SLCO4A1: variants seen among roughly 807,000 people sequenced by gnomAD.
The protein encoded by SLCO4A1 is solute carrier organic anion transporter family member 4A1, also known as colon organic anion transporter.
SLCO4A1 carries 51 observed loss-of-function variants against 64.6 expected under a neutral mutation model. The observed-to-expected ratio is 0.79, with a 90% CI of 0.63 to 1.00. The LOEUF (loss-of-function observed/expected upper bound fraction) is 1.00, where lower values mean the gene tolerates loss of function less well. Among genes scored for constraint, SLCO4A1 ranks in the 50% least tolerant of loss-of-function variants. The pLI, the probability that SLCO4A1 is intolerant of heterozygous loss-of-function variation, is 0.00. For missense variants in SLCO4A1, 919 were observed against 980.5 expected, an observed-to-expected ratio of 0.94 and a Z score of 0.84; for synonymous variants, 471 against 444.9, an observed-to-expected ratio of 1.06 and a Z score of -0.74.
At chr20:62,675,926 G>A (rs1396340413), downstream of SLCO4A1, among the ~76,000 whole-genome samples, 1 of 152,176 alleles carries the variant, frequency 6.6e-6, no homozygotes, top group Non-Finnish European at 1.5e-5. Flanking sequence ...AGAGGGAGAG[G>A]CAGGCAGGAG....
intron 3 of SLCO4A1, among the ~76,000 whole-genome samples, chr20:62,660,078 T>G (rs1459520802): frequency 1.3e-5 from 2 of 152,264 alleles, no homozygotes; most frequent in East Asian, 3.9e-4. Flanking sequence ...GAGGGATGCC[T>G]CCTCCCGCTG....
chr20:62,643,574 C>A (rs1387386504), intron 1 of SLCO4A1, among the ~76,000 whole-genome samples: 1 of 152,240 alleles, frequency 6.6e-6, no homozygotes, highest in Non-Finnish European at 1.5e-5. Flanking sequence ...CGGTAGTTTT[C>A]CACATCCATG....
intron 2 of SLCO4A1, among the ~76,000 whole-genome samples, chr20:62,681,199 G>A (rs574190048): frequency 1.9e-4 from 29 of 152,164 alleles, no homozygotes; most frequent in Non-Finnish European, 2.5e-4. Flanking sequence ...TTTTCTTTAA[G>A]TTGAAATAAT....
Position 62,661,203 on chromosome 20 carries a change from A to G in SLCO4A1, c.1121+28A>G, listed in dbSNP as rs1984747702. ...AAGGACCGGAGTCGGGAGGGTTCCT[A>G]GTGTCCTCAGACCCTTTAATGGTCC... On this transcript the variant is annotated intron_variant, in intron 5 of 11. Transcript: ENST00000217159. This position sits in a 1 kb window ranked among gnomAD's most constrained non-coding sequence, Gnocchi z 5.2. 21 of 1,499,564 alleles carry G rather than the reference A, an allele frequency of 1.4e-5. No homozygotes were observed. The highest frequency in any genetic ancestry group is 1.9e-5 in the Non-Finnish European group (20 of 1,076,708). 92.9% of individuals were successfully genotyped at this position (1,499,564 alleles called of 1,614,324 possible). A position where few individuals can be genotyped will look rare whatever the true frequency, so the allele number is the denominator to read the frequency against.
Position 62,644,716 on chromosome 20 carries a change from A to G in SLCO4A1, c.-97+2163A>G, listed in dbSNP as rs533860848. On this transcript the variant is annotated intron_variant, in intron 1 of 11. Coordinates refer to ENST00000217159, the MANE Select transcript of SLCO4A1 (RefSeq NM_016354.4). The surrounding 1 kb of genome is among the most constrained non-coding windows in gnomAD (Gnocchi z 5.4). ...CAAGGTCTTCGATCCGGATGTCTCCATGAGTGTTAATCCATTTCTGGGGTG... is the reference window on the plus strand; with the variant it reads ...CAAGGTCTTCGATCCGGATGTCTCCGTGAGTGTTAATCCATTTCTGGGGTG... Among the ~76,000 whole-genome samples the G allele has an allele frequency of 6.6e-6, 1 of 152,366 alleles. No individual in the cohort carries two copies. Among genetic ancestry groups the G allele is most frequent in the Admixed American group, 6.5e-5 (1 of 15,308 alleles).
At chr20:62,675,503 C>T (rs1375333988), downstream of SLCO4A1, among the ~76,000 whole-genome samples, 1 of 152,200 alleles carries the variant, frequency 6.6e-6, no homozygotes, top group Non-Finnish European at 1.5e-5. Context: ...CTGACTCAGG[C>T]CCAGGGAGGA....
intron 11 of SLCO4A1, chr20:62,670,218 C>T (rs1253479132): frequency 6.6e-6 from 1 of 152,184 alleles, no homozygotes; most frequent in Non-Finnish European, 1.5e-5. Context: ...TAACGGTTGA[C>T]TCTCTGTTAG....
chr20:62,669,005 A>G lies in SLCO4A1; in HGVS notation c.1952A>G (p.Gln651Arg). The G allele has an allele frequency of 6.2e-7, 1 of 1,610,916 alleles. No homozygotes were observed. The highest frequency in any genetic ancestry group is 8.5e-7 in the Non-Finnish European group (1 of 1,179,974). Reference sequence around the variant, plus strand: ...CTGCTGTGGCAGGACCAGTGTGGCCAGCAGGGCTCCTGCTTGGTGTACCAG... The same window carrying G: ...CTGCTGTGGCAGGACCAGTGTGGCCGGCAGGGCTCCTGCTTGGTGTACCAG... ...ACLLWQDQCG[Q>R]QGSCLVYQNS... Residue 651 changes from glutamine to arginine, a missense_variant, in exon 11 of 12, where the codon CAG (glutamine) becomes CGG (arginine). Physicochemically the swap from Gln to Arg is conservative, Grantham distance 43. Transcript: ENST00000217159.
At chr20:62,667,261 G>A (rs908089566) in intron 7 of SLCO4A1, among the ~76,000 whole-genome samples, 1 of 152,256 alleles carries the variant, frequency 6.6e-6, no homozygotes, top group African/African-American at 2.4e-5. Flanking sequence ...AATGGGCGCA[G>A]TGTGCTCTGA....
At position 62,661,226 on chromosome 20, in the gene SLCO4A1, TCCCCATC is replaced by T; in HGVS notation, c.1121+52_1121+58del. 7.6e-7 allele frequency: 1 copy of T among 1,323,072 alleles called. No individual in the cohort carries two copies. The highest frequency in any genetic ancestry group is 1.1e-6 in the Non-Finnish European group (1 of 916,770). The allele number at this position is 1,323,072 out of a possible 1,614,324, so 82.0% of individuals were successfully genotyped here. ...CTAGTGTCCTCAGACCCTTTAATGG[TCCCCATC>T]TTGGGGGAGTCGTTGAGACCCCTCC... On this transcript the variant is annotated intron_variant, in intron 5 of 11. Transcript: ENST00000217159. This position sits in a 1 kb window ranked among gnomAD's most constrained non-coding sequence, Gnocchi z 5.2.
downstream of SLCO4A1, among the ~76,000 whole-genome samples, chr20:62,689,249 GGC>G (rs1988155967): frequency 1.0e-5 from 1 of 99,036 alleles, no homozygotes; most frequent in Non-Finnish European, 2.1e-5. Flanking sequence ...GTCCCTGGCC[GGC>G]TGTGTCCCGT....
chr20:62,668,788 A>T, intron 10 of SLCO4A1, 142 bp from the exon 11 acceptor site: 1 of 879,030 alleles, frequency 1.1e-6, no homozygotes, highest in Non-Finnish European at 1.7e-6. Context: ...AGGAACGTTT[A>T]AGCCCTCTTT....
rs373388330 is a variant in SLCO4A1, at chr20:62,667,886, G to A, written c.1614G>A (p.Thr538=). The stretch of plus-strand genomic sequence containing the variant: ...GCCACGCAGGGTGCCCTGCAGCCAC[G>A]GAGACGAATGTGGACGGCCAGAAGG... ...SLCHAGCPAA[T]ETNVDGQKVY... Residue 538 remains threonine, a synonymous_variant, in exon 8 of 12, where the codon ACG becomes ACA. Transcript: ENST00000217159. 1.7e-5 allele frequency: 27 copies of A among 1,613,808 alleles called. No homozygotes were observed. The highest frequency in any genetic ancestry group is 3.3e-4 in the Middle Eastern group (2 of 6,084).
At chr20:62,653,055 G>T (rs2147069847) in intron 1 of SLCO4A1, among the ~76,000 whole-genome samples, 1 of 152,362 alleles carries the variant, frequency 6.6e-6, no homozygotes, top group African/African-American at 2.4e-5. Flanking sequence ...GCCTGGGACG[G>T]TGCCTGGTAC....
chr20:62,652,448 G>C (rs929695825), intron 1 of SLCO4A1, among the ~76,000 whole-genome samples: 1 of 152,076 alleles, frequency 6.6e-6, no homozygotes, highest in African/African-American at 2.4e-5. Context: ...GCGCCTCCTC[G>C]TCAGTCCCGC....
chr20:62,643,033 C>G (rs1197818850), intron 1 of SLCO4A1: 4 of 469,922 alleles, frequency 8.5e-6, no homozygotes, highest in Non-Finnish European at 1.8e-5. Flanking sequence ...CCGCTGCTGC[C>G]GAGTCAAGGA....
chr20:62,655,554 G>A (rs1467303971), intron 1 of SLCO4A1, among the ~76,000 whole-genome samples: 3 of 152,200 alleles, frequency 2.0e-5, no homozygotes, highest in Admixed American at 1.3e-4. Flanking sequence ...TGGAGCCTCG[G>A]GATGGTGGGG....
At chr20:62,660,594 AG>A (rs36035368) in intron 4 of SLCO4A1, 61 bp downstream of exon 4, 2 of 1,569,266 alleles carry the variant, frequency 1.3e-6, no homozygotes, top group African/African-American at 1.3e-5. Flanking sequence ...GTCTTCGCGA[AG>A]GGGGCACCCC....
In SLCO4A1 at chr20:62,656,773, T is replaced by C. The variant is rs760330422; in HGVS notation, c.319T>C (p.Phe107Leu). ...QVLNTPKGIL[F>L]FLCAAAFLQG... The stretch of plus-strand genomic sequence containing the variant: ...CCTCAACACGCCCAAGGGCATCCTG[T>C]TCTTCCTGTGTGCGGCCGCATTCCT... Residue 107 changes from phenylalanine to leucine, a missense_variant, in exon 2 of 12, where the codon TTC becomes CTC. Transcript: ENST00000217159. The C allele has an allele frequency of 2.5e-5, 41 of 1,612,666 alleles. No individual in the cohort carries two copies. The highest frequency in any genetic ancestry group is 3.3e-5 in the Non-Finnish European group (39 of 1,179,886).
Sources: allele counts gnomAD v4.1 joint callset (sites outside exome capture counted in the v4.1 genomes callset), GRCh38; gene constraint gnomAD v4.1.1; non-coding constraint Gnocchi (gnomAD v3.1); transcripts MANE v1.5; gene names NCBI Gene and HGNC (gene_info 2026-07-23, HGNC 2026-07-21).